TMEM154: variants seen among roughly 807,000 people sequenced by gnomAD.
TMEM154 encodes transmembrane protein 154.
Under a neutral mutation model 24.5 loss-of-function variants are expected in TMEM154, and 27 were observed. The observed-to-expected ratio is 1.10, with a 90% confidence interval of 0.81 to 1.52. TMEM154 has a LOEUF of 1.52. Among genes scored for constraint, TMEM154 ranks in the 40% most tolerant of loss-of-function variants. TMEM154 has a pLI of 0.00. For missense variants in TMEM154, 228 were observed against 213.4 expected (o/e 1.07, Z -0.43); for synonymous variants, 67 against 76.8 (o/e 0.87, Z 0.67).
chr4:152,653,989 A>G (rs1332452089), intron 1 of TMEM154, among the ~76,000 whole-genome samples: 1 of 151,978 alleles, frequency 6.6e-6, no homozygotes, highest in African/African-American at 2.4e-5. Flanking sequence ...CAGTCAGCCA[A>G]GATCGCGCCA....
intron 6 of TMEM154, among the ~76,000 whole-genome samples, chr4:152,629,906 T>C (rs1333211660): frequency 1.3e-5 from 2 of 152,132 alleles, no homozygotes; most frequent in Non-Finnish European, 2.9e-5. Flanking sequence ...TATAGGTTTG[T>C]GTGTGGTGTT....
Position 152,621,565 on chromosome 4 carries a change from A to G in TMEM154, c.*6981T>C, listed in dbSNP as rs1751844394. On this transcript the variant is annotated 3_prime_UTR_variant, in exon 7 of 7. Transcript: ENST00000304385. ...TTGATGCCATAATGGACCAGGTTTA[A>G]CTTTAGTTGAGACTTTTAGGAGAAA... The G allele has an allele frequency of 6.6e-6, 1 of 152,154 alleles. No homozygotes were observed. The highest frequency in any genetic ancestry group is 1.5e-5 in the Non-Finnish European group (1 of 68,028). 9.4% of individuals were successfully genotyped at this position (152,154 alleles called of 1,614,324 possible).
intron 1 of TMEM154, chr4:152,669,156 T>G (rs1728779950): frequency 6.6e-6 from 1 of 152,226 alleles, no homozygotes; most frequent in Non-Finnish European, 1.5e-5. Flanking sequence ...AAAGTTGATC[T>G]GCTCTTGAAT....
intron 1 of TMEM154, among the ~76,000 whole-genome samples, chr4:152,659,421 T>G (rs765743790): frequency 1.3e-5 from 2 of 152,138 alleles, no homozygotes; most frequent in Admixed American, 6.5e-5. Context: ...AAACATACAG[T>G]TAGACAGTAT....
rs781358396 is a variant in TMEM154 at position 152,623,952 on chromosome 4, C to T, written c.*4594G>A. ...TCATAAAAGTCCAGTTACTTATTTA[C>T]AAAATACTAAAGGCCAATGATAAGG... On this transcript the variant is annotated 3_prime_UTR_variant, in exon 7 of 7. Coordinates refer to ENST00000304385, the MANE Select transcript of TMEM154 (RefSeq NM_152680.3). The T allele has an allele frequency of 2.7e-5, 4 of 150,424 alleles. No homozygotes were observed. Among genetic ancestry groups the T allele is most frequent in the Non-Finnish European group, 4.4e-5 (3 of 67,688 alleles). 9.3% of individuals were successfully genotyped at this position (150,424 alleles called of 1,614,324 possible).
chr4:152,627,173 G>A lies in TMEM154; in HGVS notation c.*1373C>T, dbSNP rs1426164875. On this transcript the variant is annotated 3_prime_UTR_variant, in exon 7 of 7. Transcript: ENST00000304385. ...GTTCAGAAGGCAAATACTTGTTAAA[G>A]GGATCCCAAAAGGTAGGAGACAAGT... is the stretch of plus-strand genomic sequence containing the variant. 3.3e-5 allele frequency: 5 copies of A among 152,202 alleles called. No homozygotes were observed. The highest frequency in any genetic ancestry group is 6.5e-5 in the Admixed American group (1 of 15,276). 9.4% of individuals were successfully genotyped at this position (152,202 alleles called of 1,614,324 possible).
rs1317533162 is a variant in TMEM154, at chr4:152,619,909, C to T, written c.*8637G>A. The T allele has an allele frequency of 1.3e-5, 2 of 152,218 alleles. No homozygotes were observed. Among genetic ancestry groups the T allele is most frequent in the Non-Finnish European group, 2.9e-5 (2 of 68,042 alleles). 9.4% of individuals were successfully genotyped at this position (152,218 alleles called of 1,614,324 possible). Reference sequence around the variant, plus strand: ...AATTGAGTGTTGTTGTTTTAAGCTGCTAAGTTTTGAGGTGTTTAAGCAGCA... The same window carrying T: ...AATTGAGTGTTGTTGTTTTAAGCTGTTAAGTTTTGAGGTGTTTAAGCAGCA... On this transcript the variant is annotated 3_prime_UTR_variant, in exon 7 of 7. Transcript: ENST00000304385.
chr4:152,631,698 T>G (rs1383704557), intron 6 of TMEM154, among the ~76,000 whole-genome samples: 1 of 151,870 alleles, frequency 6.6e-6, no homozygotes, highest in Non-Finnish European at 1.5e-5. Context: ...CTCAAAGTGC[T>G]GGGGTTACAG....
chr4:152,643,876 G>A (rs1011724123), intron 4 of TMEM154, among the ~76,000 whole-genome samples: 3 of 152,042 alleles, frequency 2.0e-5, no homozygotes, highest in South Asian at 2.1e-4. Flanking sequence ...CCCAGAACAT[G>A]CTTCTGAGTG....
rs1257563873 is a variant in TMEM154, at chr4:152,627,158, CA to C, written c.*1387del. On this transcript the variant is annotated 3_prime_UTR_variant, in exon 7 of 7. Transcript: ENST00000304385. The stretch of plus-strand genomic sequence containing the variant: ...GAAATTATCCACGTAGTTCAGAAGG[CA>C]AATACTTGTTAAAGGGATCCCAAAA... 6.6e-6 allele frequency: 1 copy of C among 152,180 alleles called. No individual in the cohort carries two copies. Among genetic ancestry groups the C allele is most frequent in the East Asian group, 1.9e-4 (1 of 5,190 alleles). 9.4% of individuals were successfully genotyped at this position (152,180 alleles called of 1,614,324 possible).
intron 1 of TMEM154, among the ~76,000 whole-genome samples, chr4:152,672,972 A>G (rs1728877687): frequency 6.6e-6 from 1 of 152,232 alleles, no homozygotes; most frequent in Non-Finnish European, 1.5e-5. Flanking sequence ...TTGGAAATAA[A>G]GGAAGCTGGC....
chr4:152,645,676 G>C (rs1371522510), intron 3 of TMEM154, among the ~76,000 whole-genome samples: 4 of 152,192 alleles, frequency 2.6e-5, no homozygotes, highest in Non-Finnish European at 5.9e-5. Flanking sequence ...TGGAGAAATG[G>C]AGGTCCTCAG....
chr4:152,673,927 G>A (rs540124595), intron 1 of TMEM154, among the ~76,000 whole-genome samples: 22 of 151,954 alleles, frequency 1.4e-4, no homozygotes, highest in Non-Finnish European at 3.1e-4. Context: ...TGGGATTGTG[G>A]AGCATGAACA....
intron 6 of TMEM154, among the ~76,000 whole-genome samples, chr4:152,638,839 T>C (rs970228622): frequency 2.6e-5 from 4 of 152,250 alleles, no homozygotes; most frequent in African/African-American, 9.6e-5. Flanking sequence ...ACAGCCATCC[T>C]GTGAATGCCA....
At chr4:152,668,132 C>A (rs569279746) in intron 1 of TMEM154, among the ~76,000 whole-genome samples, 2 of 152,212 alleles carry the variant, frequency 1.3e-5, no homozygotes, top group Non-Finnish European at 2.9e-5. Context: ...CATTTTTGAC[C>A]GCCTGACTAC....
intron 6 of TMEM154, among the ~76,000 whole-genome samples, chr4:152,639,099 C>T (rs532562927): frequency 6.6e-5 from 10 of 152,132 alleles, no homozygotes; most frequent in East Asian, 3.9e-4. Flanking sequence ...TACAGGTGCC[C>T]GCCACAACGC....
At chr4:152,644,328 G>A in intron 4 of TMEM154, 87 bp downstream of exon 4, 1 of 1,486,324 alleles carries the variant, frequency 6.7e-7, no homozygotes, top group South Asian at 1.1e-5. Flanking sequence ...CAAGATGTCA[G>A]AACAAAAACA....
At chr4:152,652,032 A>T (rs574605107) in intron 3 of TMEM154, among the ~76,000 whole-genome samples, 1 of 152,348 alleles carries the variant, frequency 6.6e-6, no homozygotes, top group East Asian at 1.9e-4. Flanking sequence ...CACAATGTTT[A>T]TCAATTAAGT....
rs79017929 is a variant in TMEM154 at position 152,635,737 on chromosome 4, C to T, written c.536+5191G>A. ...TAGAATTATTATAAGAACAGATATACTGTCACTCTCTCTTAGTTAATTTCT... is the reference window on the plus strand; with the variant it reads ...TAGAATTATTATAAGAACAGATATATTGTCACTCTCTCTTAGTTAATTTCT... On this transcript the variant is annotated intron_variant, in intron 6 of 6. Coordinates refer to ENST00000304385, the MANE Select transcript of TMEM154 (RefSeq NM_152680.3). 3.8e-4 allele frequency among the ~76,000 whole-genome samples: 58 copies of T among 152,258 alleles called. No homozygotes were observed. In the East Asian group the frequency reaches 0.011, roughly 28 times the overall value.
Sources: gnomAD v4.1 joint callset for allele counts (sites outside exome capture counted in the v4.1 genomes callset) on GRCh38, gnomAD v4.1.1 for gene constraint, MANE v1.5 for transcripts, NCBI Gene and HGNC (gene_info 2026-07-23, HGNC 2026-07-21) for gene names.